CACNA2D1: variants seen among roughly 807,000 people sequenced by gnomAD.
CACNA2D1 encodes the protein calcium voltage-gated channel auxiliary subunit alpha2delta 1.
Under a neutral mutation model 171.5 loss-of-function variants are expected in CACNA2D1, and 53 were observed. That is an observed-to-expected ratio of 0.31 (90% CI 0.25 to 0.39). CACNA2D1 has a LOEUF of 0.39. CACNA2D1 is among the 10% of genes least tolerant of loss of function. The pLI is 1.00. For missense variants in CACNA2D1, 903 were observed against 1,299.8 expected (o/e 0.69, Z 4.69); for synonymous variants, 442 against 443.1 (o/e 1.00, Z 0.03).
intron 2 of CACNA2D1, among the ~76,000 whole-genome samples, chr7:82,344,353 G>C (rs1036458514): frequency 6.6e-6 from 1 of 152,208 alleles, no homozygotes; most frequent in Non-Finnish European, 1.5e-5. Flanking sequence ...GCCCCTGGCT[G>C]AGAACCATTG....
chr7:82,101,454 A>G (rs1812674293), intron 6 of CACNA2D1, among the ~76,000 whole-genome samples: 1 of 152,228 alleles, frequency 6.6e-6, no homozygotes, highest in African/African-American at 2.4e-5. Context: ...GATGGAAGTA[A>G]TAAGACAAAT....
intron 9 of CACNA2D1, among the ~76,000 whole-genome samples, chr7:82,061,107 C>T (rs1806854320): frequency 6.6e-6 from 1 of 152,196 alleles, no homozygotes; most frequent in South Asian, 2.1e-4. Flanking sequence ...CCCACTTCTA[C>T]ATCTCTAGCT....
chr7:82,011,899 A>C, intron 15 of CACNA2D1: 1 of 376,480 alleles, frequency 2.7e-6, no homozygotes, highest in East Asian at 4.5e-5. Context: ...TCAACATTCC[A>C]GGTTGGAAAT....
chr7:81,965,287 C>A (rs1476812090), intron 32 of CACNA2D1, among the ~76,000 whole-genome samples: 2 of 151,804 alleles, frequency 1.3e-5, no homozygotes, highest in African/African-American at 4.8e-5. Context: ...AAATTAGATA[C>A]CATCAACTGA....
At chr7:82,195,408 C>A (rs1292064050) in intron 3 of CACNA2D1, among the ~76,000 whole-genome samples, 2 of 151,726 alleles carry the variant, frequency 1.3e-5, no homozygotes, top group Non-Finnish European at 2.9e-5. Context: ...GAAGGAGGTC[C>A]AAAGTATATT....
chr7:82,066,822 G>T (rs1325784909), intron 7 of CACNA2D1, among the ~76,000 whole-genome samples: 2 of 152,008 alleles, frequency 1.3e-5, no homozygotes, highest in Non-Finnish European at 2.9e-5. Flanking sequence ...GTGTCCAGAG[G>T]TTATAATTTT....
intron 3 of CACNA2D1, among the ~76,000 whole-genome samples, chr7:82,221,613 C>T (rs1801769111): frequency 6.6e-6 from 1 of 151,918 alleles, no homozygotes; most frequent in Non-Finnish European, 1.5e-5. Context: ...GGCGTGATGG[C>T]AGTTGCCTAT....
chr7:82,142,642 C>A (rs1250810247), intron 4 of CACNA2D1, among the ~76,000 whole-genome samples: 1 of 152,130 alleles, frequency 6.6e-6, no homozygotes, highest in Non-Finnish European at 1.5e-5. Flanking sequence ...TTTACTAATT[C>A]TCTTTCTTGG....
intron 3 of CACNA2D1, among the ~76,000 whole-genome samples, chr7:82,195,061 C>A (rs1362273685): frequency 1.3e-5 from 2 of 151,960 alleles, no homozygotes. Flanking sequence ...CTTAAAGTAT[C>A]TTTTCAGATT....
intron 3 of CACNA2D1, among the ~76,000 whole-genome samples, chr7:82,173,345 A>G (rs891154483): frequency 6.6e-6 from 1 of 152,090 alleles, no homozygotes; most frequent in African/African-American, 2.4e-5. Context: ...TTTTAGAAAA[A>G]TAAAGGCATG....
chr7:82,192,601 CAG>C (rs1244536197), intron 3 of CACNA2D1, among the ~76,000 whole-genome samples: 2 of 151,000 alleles, frequency 1.3e-5, no homozygotes, highest in African/African-American at 4.9e-5. Context: ...GTGAAGAAAA[CAG>C]AAATTAAGAA....
At chr7:82,354,781 T>A (rs1034071014) in intron 1 of CACNA2D1, among the ~76,000 whole-genome samples, 1 of 152,130 alleles carries the variant, frequency 6.6e-6, no homozygotes, top group Non-Finnish European at 1.5e-5. Flanking sequence ...AGAGAGCAAG[T>A]TCAGAGAAAA....
intron 5 of CACNA2D1, among the ~76,000 whole-genome samples, chr7:82,120,727 T>C (rs569489166): frequency 1.2e-4 from 18 of 151,910 alleles, no homozygotes; most frequent in South Asian, 6.2e-4. Flanking sequence ...ATACAAAAAT[T>C]AGCCGAGTGT....
Position 82,192,885 on chromosome 7 carries a change from C to A in CACNA2D1, c.295-22276G>T, listed in dbSNP as rs988402125. On this transcript the variant is annotated intron_variant, in intron 3 of 38. Transcript: ENST00000356860. The stretch of plus-strand genomic sequence containing the variant: ...GAATATATTATTATCTTGCATAGTA[C>A]CATCTACCTTGACTTGTACAGAAAA... 2.0e-5 allele frequency among the ~76,000 whole-genome samples: 3 copies of A among 151,472 alleles called. No homozygotes were observed. The Admixed American group carries it at 2.0e-4, about 10-fold the overall frequency.
chr7:82,290,793 TC>T (rs1244953964), intron 3 of CACNA2D1, among the ~76,000 whole-genome samples: 2 of 151,446 alleles, frequency 1.3e-5, no homozygotes, highest in African/African-American at 4.8e-5. Flanking sequence ...ATGGGGTTTC[TC>T]CATGTTGGTC....
At chr7:82,000,252 A>G (rs2130822340) in intron 18 of CACNA2D1, among the ~76,000 whole-genome samples, 1 of 152,054 alleles carries the variant, frequency 6.6e-6, no homozygotes, top group South Asian at 2.1e-4. Context: ...AGTGAGACCC[A>G]TCTCAGAAAA....
At chr7:82,262,864 A>AG (rs1443413054) in intron 3 of CACNA2D1, among the ~76,000 whole-genome samples, 2 of 152,084 alleles carry the variant, frequency 1.3e-5, no homozygotes, top group Non-Finnish European at 2.9e-5. Flanking sequence ...TTCATTCAAA[A>AG]GGGGTCCTGC....
Position 81,955,976 on chromosome 7 carries a change from ATATATTTT to A in CACNA2D1, c.3159+3291_3159+3298del, listed in dbSNP as rs1249546501. Among the ~76,000 whole-genome samples the A allele has an allele frequency of 1.4e-3, 106 of 73,532 alleles. 1 individual carries two copies. In the South Asian group the frequency reaches 0.018, roughly 13 times the overall value. The allele number at this position is 73,532 out of a possible 152,430, so 48.2% of individuals were successfully genotyped here. A position where few individuals can be genotyped will look rare whatever the true frequency, so the allele number is the denominator to read the frequency against. ...TCACTGTTGCTATATATATATATAT[ATATATTTT>A]TTTTTTTTTTTTTTTTTTTTGGAAA... On this transcript the variant is annotated intron_variant, in intron 38 of 38. Coordinates refer to ENST00000356860, the MANE Select transcript of CACNA2D1 (RefSeq NM_000722.4).
intron 1 of CACNA2D1, among the ~76,000 whole-genome samples, chr7:82,384,480 G>T (rs949314146): frequency 2.6e-5 from 4 of 152,028 alleles, no homozygotes; most frequent in Non-Finnish European, 4.4e-5. Flanking sequence ...CCAGCCTCCA[G>T]AACTGTGAAA....
Sources: allele counts gnomAD v4.1 joint callset (sites outside exome capture counted in the v4.1 genomes callset), GRCh38; gene constraint gnomAD v4.1.1; transcripts MANE v1.5; gene names NCBI Gene and HGNC (gene_info 2026-07-23, HGNC 2026-07-21).